Variants in SNTG1 observed in about 807,000 individuals in gnomAD.
The protein encoded by SNTG1 is gamma-1-syntrophin.
SNTG1 carries 39 observed loss-of-function variants against 74.7 expected under a neutral mutation model. That is an observed-to-expected ratio of 0.52 (90% CI 0.40 to 0.68). The LOEUF is 0.68. SNTG1 is among the 30% of genes least tolerant of loss of function. The pLI is 0.00. For missense variants in SNTG1, 685 were observed against 609.5 expected (o/e 1.12, Z -1.30); for synonymous variants, 254 against 217.1 (o/e 1.17, Z -1.49).
rs185597684 is a variant in SNTG1, at chr8:50,025,864, T to C, written c.-103+113633T>C. 4.6e-5 allele frequency among the ~76,000 whole-genome samples: 7 copies of C among 152,302 alleles called. No individual in the cohort carries two copies. The East Asian group carries it at 9.6e-4, about 21-fold the overall frequency. On this transcript the variant is annotated intron_variant, in intron 1 of 18. Transcript: ENST00000642720. ...TGGTATGCAGAATGCATCCTACTGA[T>C]TGTAGTGAAGAAAATACTTCTGTTT...
chr8:50,647,409 A>C (rs1004702005), intron 13 of SNTG1, among the ~76,000 whole-genome samples: 1 of 151,930 alleles, frequency 6.6e-6, no homozygotes, highest in African/African-American at 2.4e-5. Flanking sequence ...TACCTGAACA[A>C]GCACCTCATG....
At chr8:50,542,163 T>C (rs1229116274) in intron 11 of SNTG1, among the ~76,000 whole-genome samples, 2 of 140,612 alleles carry the variant, frequency 1.4e-5, no homozygotes, top group Non-Finnish European at 3.0e-5. Flanking sequence ...CTTTCTGTTT[T>C]TTTTTTTTTT....
At chr8:50,186,071 C>T (rs948602671) in intron 2 of SNTG1, among the ~76,000 whole-genome samples, 2 of 152,092 alleles carry the variant, frequency 1.3e-5, no homozygotes, top group African/African-American at 4.8e-5. Context: ...TTGTTGAACT[C>T]CCACTTAGGA....
intron 8 of SNTG1, 143 bp downstream of exon 8, chr8:50,450,872 T>G (rs1222751215): frequency 1.3e-6 from 1 of 798,126 alleles, no homozygotes. Flanking sequence ...TTCTCTTAAT[T>G]TTTTTTTAAA....
chr8:50,640,056 T>C (rs1223890748), intron 13 of SNTG1, among the ~76,000 whole-genome samples: 1 of 152,162 alleles, frequency 6.6e-6, no homozygotes, highest in Non-Finnish European at 1.5e-5. Flanking sequence ...ACAAATTGCT[T>C]GAGAAGTTGA....
intron 1 of SNTG1, among the ~76,000 whole-genome samples, chr8:50,127,635 T>C (rs555225376): frequency 4.6e-5 from 7 of 152,256 alleles, no homozygotes; most frequent in Non-Finnish European, 8.8e-5. Flanking sequence ...GATAGAAACA[T>C]TCAAGACATT....
At chr8:50,076,522 G>A (rs1256276123) in intron 1 of SNTG1, among the ~76,000 whole-genome samples, 1 of 152,028 alleles carries the variant, frequency 6.6e-6, no homozygotes, top group Non-Finnish European at 1.5e-5. Context: ...CTATTAAAAT[G>A]AAAAACTGCT....
At chr8:49,970,820 G>A (rs552015663) in intron 1 of SNTG1, among the ~76,000 whole-genome samples, 43 of 152,302 alleles carry the variant, frequency 2.8e-4, no homozygotes, top group Non-Finnish European at 5.9e-4. Flanking sequence ...CCAGATCTAA[G>A]CAAAGCTGAC....
intron 2 of SNTG1, among the ~76,000 whole-genome samples, chr8:50,357,106 C>G (rs959371685): frequency 1.3e-5 from 2 of 152,188 alleles, no homozygotes; most frequent in Admixed American, 6.5e-5. Flanking sequence ...ACTGCCCTTC[C>G]TTCAGGAGCT....
Position 50,055,030 on chromosome 8 carries a change from C to T in SNTG1, c.-102-117531C>T, listed in dbSNP as rs932674164. Among the ~76,000 whole-genome samples the T allele has an allele frequency of 2.6e-5, 4 of 151,978 alleles. No individual in the cohort carries two copies. The East Asian group carries it at 7.7e-4, about 29-fold the overall frequency. ...TCTCTCACTCATATGGCTGAACCACCCTGCCCTTTCTTAAATTCTTCAAAT... is the reference window on the plus strand; with the variant it reads ...TCTCTCACTCATATGGCTGAACCACTCTGCCCTTTCTTAAATTCTTCAAAT... On this transcript the variant is annotated intron_variant, in intron 1 of 18. Transcript: ENST00000642720.
Position 50,449,684 on chromosome 8 carries a change from A to G in SNTG1, c.236A>G (p.Asn79Ser), listed in dbSNP as rs780749597. ...TCTTTTCAGGGAGGAGCAGAACATA[A>G]CATTCCAGTTGTCGTTTCAAAAATC... Reference protein sequence around the residue: ...GLSIKGGAEHNIPVVVSKISK... With the variant: ...GLSIKGGAEHSIPVVVSKISK... Residue 79 changes from asparagine (N) to serine (S), a missense_variant, in exon 6 of 19, where the codon AAC (asparagine) becomes AGC (serine). Transcript: ENST00000642720. The G allele has an allele frequency of 6.3e-7, 1 of 1,599,672 alleles. No homozygotes were observed. Among genetic ancestry groups the G allele is most frequent in the Non-Finnish European group, 8.5e-7 (1 of 1,171,770 alleles).
chr8:50,159,053 A>G (rs191118181), intron 1 of SNTG1, among the ~76,000 whole-genome samples: 1 of 152,208 alleles, frequency 6.6e-6, no homozygotes, highest in East Asian at 1.9e-4. Flanking sequence ...TTGCCTGATA[A>G]CTAGTGGGCG....
intron 1 of SNTG1, among the ~76,000 whole-genome samples, chr8:49,962,882 T>C (rs1810820126): frequency 6.6e-6 from 1 of 152,190 alleles, no homozygotes; most frequent in Non-Finnish European, 1.5e-5. Flanking sequence ...CATGAGCCAC[T>C]GCGCCCAACA....
intron 2 of SNTG1, among the ~76,000 whole-genome samples, chr8:50,243,925 G>A (rs373053553): frequency 6.6e-6 from 1 of 152,110 alleles, no homozygotes; most frequent in Non-Finnish European, 1.5e-5. Context: ...CATTGAGCTG[G>A]GGTTTTGGGG....
intron 2 of SNTG1, among the ~76,000 whole-genome samples, chr8:50,344,968 G>T (rs1300732106): frequency 6.6e-6 from 1 of 152,142 alleles, no homozygotes; most frequent in South Asian, 2.1e-4. Context: ...AATAGCAGGG[G>T]TGCACAAACC....
At chr8:50,779,931 A>C (rs1385269442) in intron 18 of SNTG1, among the ~76,000 whole-genome samples, 1 of 151,902 alleles carries the variant, frequency 6.6e-6, no homozygotes, top group East Asian at 1.9e-4. Context: ...GAATTTTGTC[A>C]AAGGCCTTTT....
At chr8:50,701,739 T>TTTC (rs1182909900) in intron 15 of SNTG1, among the ~76,000 whole-genome samples, 2 of 64,150 alleles carry the variant, frequency 3.1e-5, no homozygotes, top group East Asian at 8.3e-4. Context: ...TCTTTTTCTT[T>TTTC]TTCTTCTCCT....
intron 1 of SNTG1, among the ~76,000 whole-genome samples, chr8:49,960,568 T>C (rs928090494): frequency 6.6e-6 from 1 of 152,120 alleles, no homozygotes; most frequent in Non-Finnish European, 1.5e-5. Flanking sequence ...TGTTGATATC[T>C]AGGGTGCCTT....
At chr8:50,225,072 G>A (rs771060678) in intron 2 of SNTG1, among the ~76,000 whole-genome samples, 8 of 151,926 alleles carry the variant, frequency 5.3e-5, no homozygotes, top group Non-Finnish European at 7.4e-5. Context: ...CTGGGTTCAC[G>A]CCATTCCCCT....
Sources: allele counts gnomAD v4.1 joint callset (sites outside exome capture counted in the v4.1 genomes callset), GRCh38; gene constraint gnomAD v4.1.1; transcripts MANE v1.5; gene names NCBI Gene and HGNC (gene_info 2026-07-23, HGNC 2026-07-21).